The following TTC29 variants were observed in gnomAD, a reference collection of about 807,000 sequenced individuals.
TTC29 encodes tetratricopeptide repeat protein 29.
TTC29 carries 49 observed loss-of-function variants against 58.1 expected under a neutral mutation model. That is an observed-to-expected ratio of 0.84 (90% CI 0.67 to 1.07). The LOEUF (loss-of-function observed/expected upper bound fraction) is 1.07, where lower values mean the gene tolerates loss of function less well. Among genes scored for constraint, TTC29 ranks in the 50% least tolerant of loss-of-function variants. The pLI, the probability that TTC29 is intolerant of heterozygous loss-of-function variation, is 0.00. For missense variants in TTC29, 582 were observed against 555.6 expected (o/e 1.05, Z -0.48); for synonymous variants, 209 against 196.8 (o/e 1.06, Z -0.52).
At chr4:146,729,025 T>G (rs920094349) in intron 11 of TTC29, among the ~76,000 whole-genome samples, 1 of 151,514 alleles carries the variant, frequency 6.6e-6, no homozygotes, top group African/African-American at 2.4e-5. Context: ...TAGGGATATA[T>G]TATAAATAGT....
At chr4:146,814,982 G>A (rs1425251654) in intron 10 of TTC29, among the ~76,000 whole-genome samples, 2 of 152,104 alleles carry the variant, frequency 1.3e-5, no homozygotes, top group Non-Finnish European at 2.9e-5. Flanking sequence ...AAAAGGAGTA[G>A]GAAGCAATGA....
chr4:146,791,008 C>G (rs1306685959), intron 11 of TTC29, among the ~76,000 whole-genome samples: 1 of 152,160 alleles, frequency 6.6e-6, no homozygotes, highest in Non-Finnish European at 1.5e-5. Flanking sequence ...ATCCCTGTTA[C>G]CAAGTTTGTG....
At chr4:146,941,376 T>C (rs916223307) in intron 2 of TTC29, among the ~76,000 whole-genome samples, 2 of 152,226 alleles carry the variant, frequency 1.3e-5, no homozygotes, top group Non-Finnish European at 2.9e-5. Context: ...AGATATTTAA[T>C]GAGCTCCTAT....
rs549428452 is a variant in TTC29 at position 146,786,347 on chromosome 4, C to T, written c.1330+17110G>A. Among the ~76,000 whole-genome samples, 3 of 152,292 alleles carry T rather than the reference C, an allele frequency of 2.0e-5. No individual in the cohort carries two copies. The East Asian group carries it at 5.8e-4, about 29-fold the overall frequency. On this transcript the variant is annotated intron_variant, in intron 11 of 12. Transcript: ENST00000325106. ...ATTACGCCTGTGTTTGAAATATGTG[C>T]TTTAAAATAACACGGTTGAATCAAC...
intron 11 of TTC29, among the ~76,000 whole-genome samples, chr4:146,714,942 G>T (rs1742818474): frequency 6.6e-6 from 1 of 151,978 alleles, no homozygotes; most frequent in Non-Finnish European, 1.5e-5. Context: ...CAATCCTCCT[G>T]CCTCCTCAGC....
chr4:146,918,609 A>T (rs1734388156), intron 4 of TTC29, among the ~76,000 whole-genome samples: 1 of 151,228 alleles, frequency 6.6e-6, no homozygotes, highest in East Asian at 1.9e-4. Flanking sequence ...AGAGGAAAGC[A>T]TGCTTATTTA....
chr4:146,917,430 T>A (rs1734298706), intron 4 of TTC29, among the ~76,000 whole-genome samples: 2 of 148,576 alleles, frequency 1.3e-5, no homozygotes, highest in South Asian at 4.3e-4. Context: ...TCTTGATTTT[T>A]TTGCAGAATT....
intron 4 of TTC29, among the ~76,000 whole-genome samples, chr4:146,910,465 T>A (rs1733824147): frequency 6.6e-6 from 1 of 152,000 alleles, no homozygotes; most frequent in Non-Finnish European, 1.5e-5. Flanking sequence ...TTCTTATCCA[T>A]TGGATCAACT....
chr4:146,913,005 G>A (rs13138747), intron 4 of TTC29, among the ~76,000 whole-genome samples: 34,570 of 151,964 alleles, frequency 0.23, 4,208 homozygotes, highest in Admixed American at 0.3. Context: ...CAGGTTTGGG[G>A]AAAGATAATG....
In TTC29 at chr4:146,903,489, T is replaced by C. The variant is rs115018247; in HGVS notation, c.586+55A>G. On this transcript the variant is annotated intron_variant, in intron 6 of 12. Transcript: ENST00000325106. ...GACCACCACGTGTTTTTCCATTGTG[T>C]GATCTCAGGATCCACCAAAACATAC... is the stretch of plus-strand genomic sequence containing the variant. The C allele has an allele frequency of 3.2e-3, 4,716 of 1,462,796 alleles. 122 individuals carry two copies. In the African/African-American group the frequency reaches 0.055, roughly 17 times the overall value. The allele number at this position is 1,462,796 out of a possible 1,614,324, so 90.6% of individuals were successfully genotyped here. A position where few individuals can be genotyped will look rare whatever the true frequency, so the allele number is the denominator to read the frequency against.
intron 10 of TTC29, among the ~76,000 whole-genome samples, chr4:146,810,360 A>C (rs1040364800): frequency 6.6e-6 from 1 of 152,148 alleles, no homozygotes; most frequent in African/African-American, 2.4e-5. Flanking sequence ...CTATGTAACA[A>C]ACCTGTATGT....
At chr4:146,881,355 C>T (rs1355140008) in intron 6 of TTC29, among the ~76,000 whole-genome samples, 1 of 152,082 alleles carries the variant, frequency 6.6e-6, no homozygotes, top group Non-Finnish European at 1.5e-5. Flanking sequence ...AAGTCTTAAG[C>T]ATATTTAGTT....
At chr4:146,857,212 G>A (rs1729917258) in intron 8 of TTC29, among the ~76,000 whole-genome samples, 2 of 151,798 alleles carry the variant, frequency 1.3e-5, no homozygotes, top group East Asian at 3.9e-4. Context: ...TGAATATTTT[G>A]AATATTACTT....
chr4:146,830,890 T>C (rs1728111873), intron 9 of TTC29, among the ~76,000 whole-genome samples: 1 of 152,234 alleles, frequency 6.6e-6, no homozygotes, highest in South Asian at 2.1e-4. Flanking sequence ...ATTTATACTA[T>C]GAGTGGACTT....
chr4:146,924,109 A>AT (rs1387118524), intron 4 of TTC29, among the ~76,000 whole-genome samples: 5 of 151,838 alleles, frequency 3.3e-5, no homozygotes, highest in African/African-American at 1.2e-4. Context: ...TAACATATAT[A>AT]TAGCATGTGC....
At chr4:146,837,961 C>G (rs1188405727) in intron 8 of TTC29, among the ~76,000 whole-genome samples, 1 of 152,036 alleles carries the variant, frequency 6.6e-6, no homozygotes, top group Non-Finnish European at 1.5e-5. Flanking sequence ...GGACACCAAA[C>G]TACATGATAA....
At chr4:146,864,200 T>C (rs929317390) in intron 8 of TTC29, among the ~76,000 whole-genome samples, 1 of 152,116 alleles carries the variant, frequency 6.6e-6, no homozygotes, top group Non-Finnish European at 1.5e-5. Context: ...TCCATTTCCC[T>C]GCAAGCCTTT....
chr4:146,913,538 A>G (rs1204083653), intron 4 of TTC29, among the ~76,000 whole-genome samples: 1 of 151,958 alleles, frequency 6.6e-6, no homozygotes, highest in African/African-American at 2.4e-5. Flanking sequence ...TATTGACCCA[A>G]ATTAGGCCAA....
At chr4:146,783,784 T>C (rs1409943626) in intron 11 of TTC29, among the ~76,000 whole-genome samples, 1 of 152,092 alleles carries the variant, frequency 6.6e-6, no homozygotes, top group Non-Finnish European at 1.5e-5. Flanking sequence ...TTGTCTTCTA[T>C]ATTTATGTTA....
Sources: gnomAD v4.1 joint callset for allele counts (sites outside exome capture counted in the v4.1 genomes callset) on GRCh38, gnomAD v4.1.1 for gene constraint, MANE v1.5 for transcripts, NCBI Gene and HGNC (gene_info 2026-07-23, HGNC 2026-07-21) for gene names.